IQCJ: variants seen among roughly 807,000 people sequenced by gnomAD.
The protein encoded by IQCJ is IQ motif containing J.
In IQCJ, 9 loss-of-function variants were observed where a neutral mutation model predicts 11.0. That is an observed-to-expected ratio of 0.82 (90% CI 0.49 to 1.43). The LOEUF (loss-of-function observed/expected upper bound fraction) is 1.43. Among genes scored for constraint, IQCJ ranks in the 40% most tolerant of loss-of-function variants. The pLI is 0.00. For missense variants in IQCJ, 146 were observed against 133.2 expected, an observed-to-expected ratio of 1.10 and a Z score of -0.47; for synonymous variants, 55 against 51.3, an observed-to-expected ratio of 1.07 and a Z score of -0.31.
At chr3:159,100,106 C>T (rs1463421621) in intron 1 of IQCJ, among the ~76,000 whole-genome samples, 1 of 10,324 alleles carries the variant, frequency 9.7e-5, no homozygotes, top group Non-Finnish European at 1.7e-4. Flanking sequence ...CTTCTCGCTT[C>T]ATTTCATTCA....
At chr3:159,202,083 C>G (rs1467280354) in intron 1 of IQCJ, among the ~76,000 whole-genome samples, 1 of 152,134 alleles carries the variant, frequency 6.6e-6, no homozygotes, top group African/African-American at 2.4e-5. Flanking sequence ...CCAATTGACT[C>G]AAGTTGCCTG....
intron 3 of IQCJ, among the ~76,000 whole-genome samples, 194 bp downstream of exon 3, chr3:159,253,001 A>G (rs1405611597): frequency 6.6e-6 from 1 of 152,158 alleles, no homozygotes; most frequent in Non-Finnish European, 1.5e-5. Flanking sequence ...AGTACAGGGA[A>G]TTATTTGCTT....
rs1250067972 is a variant in IQCJ, at chr3:159,088,628, G to T, written c.9+19187G>T. ...CTGTATTGGGTGCATATATATGCAG[G>T]ATAGTTAGCTCTTCTTGTTGAATTG... On this transcript the variant is annotated intron_variant, in intron 1 of 3. Coordinates refer to ENST00000397832, the MANE Select transcript of IQCJ (RefSeq NM_001042706.3). 2.0e-5 allele frequency among the ~76,000 whole-genome samples: 3 copies of T among 152,170 alleles called. No homozygotes were observed. The East Asian group carries it at 5.8e-4, about 29-fold the overall frequency.
At chr3:159,223,194 C>A (rs946520462) in intron 1 of IQCJ, among the ~76,000 whole-genome samples, 1 of 152,040 alleles carries the variant, frequency 6.6e-6, no homozygotes, top group African/African-American at 2.4e-5. Context: ...AAGCTTCAGA[C>A]AACCAAAATG....
At position 159,245,548 on chromosome 3, in the gene IQCJ, G is replaced by A. The variant is rs1050712868; in HGVS notation, c.10-295G>A. Among the ~76,000 whole-genome samples, 8 of 140,872 alleles carry A rather than the reference G, an allele frequency of 5.7e-5. No individual in the cohort carries two copies. In the East Asian group the frequency reaches 1.8e-3, roughly 32 times the overall value. The allele number at this position is 140,872 out of a possible 152,430, so 92.4% of individuals were successfully genotyped here. On this transcript the variant is annotated intron_variant, in intron 1 of 3. Transcript: ENST00000397832. ...GCAATCTTGGCTCACTGCAAGCTCC[G>A]CCTCCTGGGTTCACGCCATTCTCCT...
intron 1 of IQCJ, among the ~76,000 whole-genome samples, chr3:159,242,001 A>C (rs544389233): frequency 8.5e-5 from 13 of 152,348 alleles, no homozygotes; most frequent in Admixed American, 4.6e-4. Context: ...GGATGAAGTG[A>C]GGAAGCCATG....
At chr3:159,179,961 C>A (rs1266512944) in intron 1 of IQCJ, among the ~76,000 whole-genome samples, 2 of 134,064 alleles carry the variant, frequency 1.5e-5, no homozygotes, top group East Asian at 2.1e-4. Context: ...GGAGAAATAG[C>A]AGTTCATGGC....
chr3:159,111,149 A>G (rs930551275), intron 1 of IQCJ, among the ~76,000 whole-genome samples: 5 of 152,226 alleles, frequency 3.3e-5, no homozygotes, highest in African/African-American at 9.6e-5. Context: ...TAATTTTAAT[A>G]TTCTCAGAAA....
chr3:159,245,709 G>A (rs1174647857), intron 1 of IQCJ, 134 bp from the exon 2 acceptor site: 22 of 616,598 alleles, frequency 3.6e-5, no homozygotes, highest in South Asian at 2.9e-4. Context: ...TGATCCACCC[G>A]CCTCGGCCTC....
chr3:159,257,777 G>A (rs576995305), intron 3 of IQCJ, among the ~76,000 whole-genome samples: 39 of 152,294 alleles, frequency 2.6e-4, no homozygotes, highest in African/African-American at 8.9e-4. Context: ...AATAAGTAGG[G>A]GTTCTACTTC....
At chr3:159,083,430 C>T (rs547308117) in intron 1 of IQCJ, among the ~76,000 whole-genome samples, 2 of 152,146 alleles carry the variant, frequency 1.3e-5, no homozygotes, top group Admixed American at 1.3e-4. Flanking sequence ...TGTATCAAAT[C>T]AGAATGGCTA....
At chr3:159,101,240 G>A (rs930365569) in intron 1 of IQCJ, among the ~76,000 whole-genome samples, 11 of 148,664 alleles carry the variant, frequency 7.4e-5, no homozygotes, top group East Asian at 6.1e-4. Context: ...CGCACGGTGC[G>A]CACACACACT....
chr3:159,136,597 G>T (rs752954127), intron 1 of IQCJ, among the ~76,000 whole-genome samples: 5 of 152,156 alleles, frequency 3.3e-5, no homozygotes, highest in African/African-American at 4.8e-5. Context: ...TAAGGTGCCC[G>T]CATATTCAGT....
intron 1 of IQCJ, among the ~76,000 whole-genome samples, chr3:159,165,448 T>C (rs916301268): frequency 6.6e-6 from 1 of 152,234 alleles, no homozygotes; most frequent in African/African-American, 2.4e-5. Context: ...GGCAGGACTT[T>C]GGTTTATCCC....
At chr3:159,158,827 A>G (rs1158188817) in intron 1 of IQCJ, among the ~76,000 whole-genome samples, 1 of 152,200 alleles carries the variant, frequency 6.6e-6, no homozygotes, top group Non-Finnish European at 1.5e-5. Context: ...CAAATGGTGA[A>G]GTTATTTGAC....
chr3:159,087,873 C>T (rs1716914014), intron 1 of IQCJ, among the ~76,000 whole-genome samples: 1 of 150,318 alleles, frequency 6.7e-6, no homozygotes, highest in Non-Finnish European at 1.5e-5. Flanking sequence ...AAACCAGCTC[C>T]TGGATTCATT....
intron 1 of IQCJ, among the ~76,000 whole-genome samples, chr3:159,231,437 C>T (rs932017062): frequency 6.6e-6 from 1 of 152,186 alleles, no homozygotes; most frequent in Non-Finnish European, 1.5e-5. Context: ...TAATCACATT[C>T]TTATGAATTC....
At chr3:159,109,587 G>A (rs73164345) in intron 1 of IQCJ, among the ~76,000 whole-genome samples, 12 of 146,212 alleles carry the variant, frequency 8.2e-5, no homozygotes, top group East Asian at 2.1e-4. Context: ...TAAATGCTCC[G>A]CTTGTCTAGC....
At chr3:159,123,790 G>T (rs1566549) in intron 1 of IQCJ, among the ~76,000 whole-genome samples, 2 of 152,008 alleles carry the variant, frequency 1.3e-5, no homozygotes, top group Non-Finnish European at 2.9e-5. Flanking sequence ...GAAGATAGAG[G>T]TTGCCTGTCT....
Sources: gnomAD v4.1 joint callset for allele counts (sites outside exome capture counted in the v4.1 genomes callset) on GRCh38, gnomAD v4.1.1 for gene constraint, MANE v1.5 for transcripts, NCBI Gene and HGNC (gene_info 2026-07-23, HGNC 2026-07-21) for gene names.